Variants in AKT1 observed in about 807,000 individuals in gnomAD.
AKT1 encodes AKT serine/threonine kinase 1.
In AKT1, 21 loss-of-function variants were observed where a neutral mutation model predicts 63.1. The observed-to-expected ratio is 0.33, with a 90% CI of 0.24 to 0.48. The LOEUF (loss-of-function observed/expected upper bound fraction) is 0.48, where lower values mean the gene tolerates loss of function less well. Ranked by LOEUF, AKT1 falls within the 20% of genes least tolerant of loss-of-function variation. AKT1 has a pLI of 0.99. For missense variants in AKT1, 382 were observed against 666.0 expected (o/e 0.57, Z 4.69); for synonymous variants, 257 against 253.1 (o/e 1.02, Z -0.15).
intron 3 of AKT1, among the ~76,000 whole-genome samples, chr14:104,781,951 T>G (rs1455360345): frequency 1.3e-5 from 2 of 152,168 alleles, no homozygotes; most frequent in African/African-American, 4.8e-5. Context: ...CCCCTGCCAG[T>G]GGGCTGCCGA....
chr14:104,785,383 T>C (rs2494743), intron 3 of AKT1, among the ~76,000 whole-genome samples: 37,863 of 152,182 alleles, frequency 0.25, 7,324 homozygotes, highest in East Asian at 0.69. Flanking sequence ...TGACCCCACT[T>C]GGCTGGAGCC....
intron 3 of AKT1, among the ~76,000 whole-genome samples, chr14:104,785,091 T>C (rs891112201): frequency 7.9e-5 from 12 of 152,118 alleles, no homozygotes; most frequent in Admixed American, 7.2e-4. Context: ...GCGGCCACCG[T>C]GGTCCCCACT....
chr14:104,781,837 C>T (rs1052799983), intron 3 of AKT1, among the ~76,000 whole-genome samples: 5 of 152,134 alleles, frequency 3.3e-5, no homozygotes, highest in South Asian at 2.1e-4. Flanking sequence ...CTCTGGAGGA[C>T]GGCCAACACC....
intron 3 of AKT1, among the ~76,000 whole-genome samples, chr14:104,785,845 G>A (rs946850942): frequency 1.3e-5 from 2 of 152,070 alleles, no homozygotes; most frequent in African/African-American, 2.4e-5. Context: ...AGGCACAGCC[G>A]GAGGCGCTGG....
chr14:104,783,082 T>C (rs1893147174), intron 3 of AKT1, among the ~76,000 whole-genome samples: 1 of 152,100 alleles, frequency 6.6e-6, no homozygotes, highest in East Asian at 1.9e-4. Flanking sequence ...ACTGTCCTCA[T>C]GGCCACAGGA....
At chr14:104,790,967 G>A (rs1893598430) in intron 3 of AKT1, among the ~76,000 whole-genome samples, 1 of 152,136 alleles carries the variant, frequency 6.6e-6, no homozygotes, top group African/African-American at 2.4e-5. Flanking sequence ...CTCTCTGGAC[G>A]CCCCACTGGG....
chr14:104,792,491 A>T, intron 3 of AKT1, 107 bp downstream of exon 3: 1 of 1,319,732 alleles, frequency 7.6e-7, no homozygotes, highest in Non-Finnish European at 1.1e-6. Context: ...CAGGAGCCCC[A>T]GGGGAGGCAG....
chr14:104,790,812 C>T (rs1022013807), intron 3 of AKT1, among the ~76,000 whole-genome samples: 18 of 152,194 alleles, frequency 1.2e-4, no homozygotes, highest in Non-Finnish European at 2.5e-4. Flanking sequence ...TCAGGGCCGC[C>T]CACAAGCCAT....
In AKT1 at chr14:104,795,434, C is replaced by T. The variant is rs1263838712; in HGVS notation, c.-258+50G>A. 6.8e-6 allele frequency: 1 copy of T among 147,446 alleles called. No individual in the cohort carries two copies. The highest frequency in any genetic ancestry group is 2.0e-4 in the East Asian group (1 of 5,102). 9.1% of individuals were successfully genotyped at this position (147,446 alleles called of 1,614,324 possible). A position where few individuals can be genotyped will look rare whatever the true frequency, so the allele number is the denominator to read the frequency against. On this transcript the variant is annotated intron_variant, in intron 1 of 14. Coordinates refer to ENST00000649815, the MANE Select transcript of AKT1 (RefSeq NM_001382430.1). This position sits in a 1 kb window ranked among gnomAD's most constrained non-coding sequence, Gnocchi z 5.1. ...CCGGCCGCGAACAAAGCGGCCCGGC[C>T]CGCGGGGAGGAAATCCAGGCCCGGG...
At chr14:104,783,390 G>A in intron 3 of AKT1, among the ~76,000 whole-genome samples, 1 of 152,080 alleles carries the variant, frequency 6.6e-6, no homozygotes, top group Non-Finnish European at 1.5e-5. Context: ...CATTGCTGGG[G>A]GAACTGGAAC....
In AKT1 at chr14:104,774,155, G is replaced by GC. The variant is rs760912499; in HGVS notation, c.634-176dup. On this transcript the variant is annotated intron_variant, in intron 8 of 14. Transcript: ENST00000649815. The stretch of plus-strand genomic sequence containing the variant: ...ATACCACACCGCCCGATACCACACT[G>GC]CCCCACACCACACACCCCATCACAC... The GC allele has an allele frequency of 6.7e-4, 416 of 618,258 alleles. 3 individuals are homozygous for GC. The highest frequency in any genetic ancestry group is 3.1e-3 in the South Asian group (176 of 56,610). The allele number at this position is 618,258 out of a possible 1,614,324, so 38.3% of individuals were successfully genotyped here.
At position 104,792,726 on chromosome 14, in the gene AKT1, G is replaced by C; in HGVS notation, c.-79-4C>G. The C allele has an allele frequency of 5.2e-6, 8 of 1,549,596 alleles. No individual in the cohort carries two copies. Among genetic ancestry groups the C allele is most frequent in the Non-Finnish European group, 7.1e-6 (8 of 1,134,306 alleles). On this transcript the variant is annotated splice_region_variant and splice_polypyrimidine_tract_variant and intron_variant, in intron 2 of 14. Transcript: ENST00000649815. Reference sequence around the variant, plus strand: ...CCAGCTGGCCTGGCCACAGCCTCTGGGAGAAGCAAAGGAAGCTGAATGTGA... The same window carrying C: ...CCAGCTGGCCTGGCCACAGCCTCTGCGAGAAGCAAAGGAAGCTGAATGTGA...
chr14:104,783,595 G>A (rs1187846682), intron 3 of AKT1, among the ~76,000 whole-genome samples: 1 of 149,442 alleles, frequency 6.7e-6, no homozygotes, highest in Non-Finnish European at 1.5e-5. Flanking sequence ...AGGTTGCCAC[G>A]CCAGGCCCTC....
chr14:104,775,956 A>G (rs1372962225), intron 5 of AKT1, 157 bp from the exon 6 acceptor site: 3 of 839,472 alleles, frequency 3.6e-6, no homozygotes, highest in South Asian at 1.8e-5. Context: ...GTCTGGCCAC[A>G]TACACTCAGG....
chr14:104,774,093 T>C (rs1595243669), intron 8 of AKT1, 113 bp from the exon 9 acceptor site: 1 of 972,976 alleles, frequency 1.0e-6, no homozygotes, highest in Non-Finnish European at 1.6e-6. Flanking sequence ...ACACCGCCCG[T>C]AGCCCCACAC....
At position 104,772,866 on chromosome 14, in the gene AKT1, G is replaced by A. The variant is rs1892470540; in HGVS notation, c.1172+12C>T. On this transcript the variant is annotated intron_variant, in intron 12 of 14. Coordinates refer to ENST00000649815, the MANE Select transcript of AKT1 (RefSeq NM_001382430.1). ...GGAGGTGTAGCCTGTAGCTGGGATG[G>A]GCGGCCCTCACCTCTGCTTGGGGTC... is the stretch of plus-strand genomic sequence containing the variant. The A allele has an allele frequency of 1.2e-6, 2 of 1,602,450 alleles. No individual in the cohort carries two copies. The highest frequency in any genetic ancestry group is 8.5e-7 in the Non-Finnish European group (1 of 1,177,236).
At position 104,769,351 on chromosome 14, in the gene AKT1, T is replaced by A. The variant is rs1892244075; in HGVS notation, c.*990A>T. 2 of 240,028 alleles carry A rather than the reference T, an allele frequency of 8.3e-6. No homozygotes were observed. The highest frequency in any genetic ancestry group is 2.2e-4 in the South Asian group (2 of 9,006). The allele number at this position is 240,028 out of a possible 1,614,324, so 14.9% of individuals were successfully genotyped here. On this transcript the variant is annotated 3_prime_UTR_variant, in exon 15 of 15. Coordinates refer to ENST00000649815, the MANE Select transcript of AKT1 (RefSeq NM_001382430.1). ...CACCCAGCAAAGTGAGCCAAAAATT[T>A]GAAAAGCAACTTTTATTGAAGAATT...
rs557309882 is a variant in AKT1 at position 104,776,924 on chromosome 14, G to A, written c.176-154C>T. ...TCCTCTCTCCAAGCCTCAGTTTCTC[G>A]CCTCACAGAGTGGGGCTAGGACCCC... On this transcript the variant is annotated intron_variant, in intron 4 of 14. Coordinates refer to ENST00000649815, the MANE Select transcript of AKT1 (RefSeq NM_001382430.1). 3.7e-5 allele frequency: 23 copies of A among 621,104 alleles called. 1 individual carries two copies. Among genetic ancestry groups the A allele is most frequent in the South Asian group, 2.9e-4 (15 of 51,474 alleles). The allele number at this position is 621,104 out of a possible 1,614,324, so 38.5% of individuals were successfully genotyped here.
At chr14:104,791,750 G>C (rs1017570703) in intron 3 of AKT1, among the ~76,000 whole-genome samples, 2 of 152,254 alleles carry the variant, frequency 1.3e-5, no homozygotes, top group African/African-American at 4.8e-5. Context: ...AAGCCGGGGG[G>C]CTGCTGGCAT....
Sources: gnomAD v4.1 joint callset for allele counts (sites outside exome capture counted in the v4.1 genomes callset) on GRCh38, gnomAD v4.1.1 for gene constraint, Gnocchi (gnomAD v3.1) non-coding constraint, MANE v1.5 for transcripts, NCBI Gene and HGNC (gene_info 2026-07-23, HGNC 2026-07-21) for gene names.